Variants in FANCI observed in about 807,000 individuals in gnomAD.
FANCI encodes the protein FA complementation group I.
A neutral mutation model predicts 176.1 loss-of-function variants in FANCI; 156 were observed. That is an observed-to-expected ratio of 0.89 (90% CI 0.78 to 1.01). The LOEUF (loss-of-function observed/expected upper bound fraction) is 1.01. FANCI is among the 50% of genes least tolerant of loss of function. The probability of loss-of-function intolerance (pLI) is 0.00; values close to 1 mark genes in which losing one functional copy is unlikely to be tolerated. For synonymous variants in FANCI, 613 were observed against 541.7 expected, an observed-to-expected ratio of 1.13 and a Z score of -1.83; for missense variants, 1,678 against 1,534.1, an observed-to-expected ratio of 1.09 and a Z score of -1.57.
chr15:89,263,696 GTTATTGGTTCCC>G (rs1282934110), intron 7 of FANCI, among the ~76,000 whole-genome samples, 195 bp from the exon 8 acceptor site: 1 of 152,180 alleles, frequency 6.6e-6, no homozygotes, highest in East Asian at 1.9e-4. Flanking sequence ...CTTAGGTAAG[GTTATTGGTTCCC>G]TTAAAGGTTC....
intron 3 of FANCI, chr15:89,259,246 A>T (rs562864149): frequency 6.1e-6 from 1 of 163,794 alleles, no homozygotes; most frequent in Non-Finnish European, 1.3e-5. Flanking sequence ...ATTGTGATTT[A>T]TAGTGGTTTT....
In FANCI at chr15:89,301,447, T is replaced by C; in HGVS notation, c.3006+5T>C. Reference sequence around the variant, plus strand: ...CTGGAGCCCTCCTCTCCTCAGGTACTAGTACCGCTAACTTAATCCCATTTA... The same window carrying C: ...CTGGAGCCCTCCTCTCCTCAGGTACCAGTACCGCTAACTTAATCCCATTTA... On this transcript the variant is annotated splice_donor_5th_base_variant and intron_variant, in intron 27 of 37. Transcript: ENST00000310775. 6.3e-7 allele frequency: 1 copy of C among 1,581,310 alleles called. No homozygotes were observed. Among genetic ancestry groups the C allele is most frequent in the Non-Finnish European group, 8.7e-7 (1 of 1,149,952 alleles).
At chr15:89,278,925 G>A in intron 14 of FANCI, 151 bp downstream of exon 14, 1 of 656,898 alleles carries the variant, frequency 1.5e-6, no homozygotes, top group Non-Finnish European at 2.7e-6. Context: ...TATGTTGTCT[G>A]GGATTGTCAG....
Position 89,274,223 on chromosome 15 carries a change from T to C in FANCI, c.1031T>C (p.Leu344Pro). The C allele has an allele frequency of 1.9e-6, 3 of 1,608,452 alleles. No individual in the cohort carries two copies. Among genetic ancestry groups the C allele is most frequent in the Non-Finnish European group, 2.5e-6 (3 of 1,177,034 alleles). Residue 344 changes from leucine (L) to proline (P), a missense_variant, in exon 12 of 38, where the codon CTC (leucine) becomes CCC (proline). Physicochemically the swap from Leu to Pro is moderately conservative, Grantham distance 98. Around this residue, in one of 3 missense-constraint regions of FANCI, gnomAD observed 469 missense variants for 436.9 expected, o/e 1.07. Coordinates refer to ENST00000310775, the MANE Select transcript of FANCI (RefSeq NM_001113378.2). ...AAGAGCTTTAAGGATCTTCAACTCC[T>C]CCAAGGCTCAAAATTTCTTCAGAAT... is the stretch of plus-strand genomic sequence containing the variant. ...VVKSFKDLQL[L>P]QGSKFLQNLV...
Position 89,299,829 on chromosome 15 carries a change from C to T in FANCI, c.2666C>T (p.Pro889Leu). Residue 889 changes from proline (P) to leucine (L), a missense_variant, in exon 25 of 38, where the codon CCT becomes CTT. Physicochemically the swap from Pro to Leu is moderately conservative, Grantham distance 98. Around this residue, in one of 3 missense-constraint regions of FANCI, gnomAD observed 1,204 missense variants for 1,077.4 expected, o/e 1.12. Transcript: ENST00000310775. ...TTGCTATGGAGATACACTTCAATTC[C>T]TACTTCAGTGGAAGAGTCGGGAAAG... ...RVLLWRYTSIPTSVEESGKKE... is the reference protein window; with the variant it reads ...RVLLWRYTSILTSVEESGKKE... 1 of 1,613,808 alleles carries T rather than the reference C, an allele frequency of 6.2e-7. No individual in the cohort carries two copies.
At position 89,291,685 on chromosome 15, in the gene FANCI, G is replaced by A. The variant is rs138026584; in HGVS notation, c.1963G>A (p.Gly655Arg). The change falls in exon 20 of 38, where the codon GGA becomes AGA. Residue 655 changes from glycine (G) to arginine (R), a missense_variant. This residue lies in a region of FANCI where 1,204 missense variants were observed against 1,077.4 expected (regional missense o/e 1.12). Transcript: ENST00000310775. ...LKLEACILTQ[G>R]DKISLQEPLD... ...ATTAGAAGCTTGTATTCTGACCCAA[G>A]GAGATAAGATCTCTCTACAAGAACC... The A allele has an allele frequency of 2.2e-4, 359 of 1,613,598 alleles. 3 individuals are homozygous for A. The highest frequency in any genetic ancestry group is 3.3e-4 in the Middle Eastern group (2 of 6,080).
At chr15:89,300,896 A>G (rs1027800126) in intron 26 of FANCI, among the ~76,000 whole-genome samples, 7 of 152,350 alleles carry the variant, frequency 4.6e-5, no homozygotes, top group East Asian at 3.9e-4. Context: ...AAATATTCCT[A>G]TCCTTATGGA....
In FANCI at chr15:89,278,988, T is replaced by G. The variant is rs3743375; in HGVS notation, c.1381+214T>G. Among the ~76,000 whole-genome samples, 403 of 152,326 alleles carry G rather than the reference T, an allele frequency of 2.6e-3. 8 individuals are homozygous for G. The highest frequency in any genetic ancestry group is 0.015 in the East Asian group (76 of 5,188). On this transcript the variant is annotated intron_variant, in intron 14 of 37. Coordinates refer to ENST00000310775, the MANE Select transcript of FANCI (RefSeq NM_001113378.2). ...AGGAAAGCAACAATTAACCAATAAG[T>G]AAAACTTCCATTTTGCTCAACATTT...
intron 32 of FANCI, among the ~76,000 whole-genome samples, chr15:89,306,794 C>T (rs983501957): frequency 6.6e-6 from 1 of 152,112 alleles, no homozygotes; most frequent in African/African-American, 2.4e-5. Context: ...TAAATACCTT[C>T]TAAGGTTTAA....
intron 2 of FANCI, among the ~76,000 whole-genome samples, chr15:89,253,047 C>T (rs964170132): frequency 2.0e-5 from 3 of 152,066 alleles, no homozygotes; most frequent in African/African-American, 7.2e-5. Context: ...GACTAAACAC[C>T]ACAAAAACTT....
intron 2 of FANCI, 53 bp downstream of exon 2, chr15:89,247,784 C>A (rs1360897867): frequency 2.0e-6 from 3 of 1,481,866 alleles, no homozygotes; most frequent in East Asian, 2.3e-5. Flanking sequence ...CATGATGACA[C>A]ATTCAAAGGA....
intron 2 of FANCI, among the ~76,000 whole-genome samples, chr15:89,257,138 C>T (rs1355926288): frequency 6.6e-6 from 1 of 152,138 alleles, no homozygotes; most frequent in African/African-American, 2.4e-5. Context: ...GATCTCCTGA[C>T]CTTGTGATCT....
chr15:89,249,021 C>T (rs2052113186), intron 2 of FANCI, among the ~76,000 whole-genome samples: 2 of 152,102 alleles, frequency 1.3e-5, no homozygotes, highest in Non-Finnish European at 2.9e-5. Context: ...AAAACAACTA[C>T]CAAAACAACA....
At chr15:89,276,606 G>A in intron 12 of FANCI, 105 bp from the exon 13 acceptor site, 3 of 1,236,608 alleles carry the variant, frequency 2.4e-6, no homozygotes, top group South Asian at 2.5e-5. Flanking sequence ...AGAGTACGTT[G>A]ATTATCTAGG....
At chr15:89,257,395 C>G (rs1176538178) in intron 2 of FANCI, among the ~76,000 whole-genome samples, 4 of 152,180 alleles carry the variant, frequency 2.6e-5, no homozygotes, top group African/African-American at 9.7e-5. Flanking sequence ...TTTCACAGTT[C>G]TGGAGACTAG....
At position 89,310,862 on chromosome 15, in the gene FANCI, T is replaced by C. The variant is rs148766991; in HGVS notation, c.3652-2042T>C. 2.6e-3 allele frequency among the ~76,000 whole-genome samples: 393 copies of C among 152,310 alleles called. 4 individuals are homozygous for C. Among genetic ancestry groups the C allele is most frequent in the African/African-American group, 9.2e-3 (381 of 41,574 alleles). ...CTCAAGGGTCGGACATGGTGGCTCATGCCTGTAATCCCAGCACTTTGGGAG... is the reference window on the plus strand; with the variant it reads ...CTCAAGGGTCGGACATGGTGGCTCACGCCTGTAATCCCAGCACTTTGGGAG... On this transcript the variant is annotated intron_variant, in intron 34 of 37. Transcript: ENST00000310775.
chr15:89,300,200 C>T, intron 25 of FANCI, 100 bp from the exon 26 acceptor site: 1 of 1,228,314 alleles, frequency 8.1e-7, no homozygotes, highest in Non-Finnish European at 1.2e-6. Context: ...TTTAAGTCTG[C>T]CTTTAGACTT....
chr15:89,274,832 T>C (rs1294182413), intron 12 of FANCI, among the ~76,000 whole-genome samples: 2 of 152,006 alleles, frequency 1.3e-5, no homozygotes, highest in Non-Finnish European at 1.5e-5. Flanking sequence ...CTTGAACTTC[T>C]GAGCTCAAGC....
intron 2 of FANCI, among the ~76,000 whole-genome samples, chr15:89,253,691 A>G (rs963344480): frequency 2.0e-5 from 3 of 150,730 alleles, no homozygotes; most frequent in Admixed American, 6.6e-5. Context: ...CAGAAATACC[A>G]TAAGCAGAGT....
Sources: allele counts gnomAD v4.1 joint callset (sites outside exome capture counted in the v4.1 genomes callset), GRCh38; gene constraint gnomAD v4.1.1; regional missense constraint gnomAD v4.1.1; transcripts MANE v1.5; gene names NCBI Gene and HGNC (gene_info 2026-07-23, HGNC 2026-07-21).